The following IL12RB2 variants were observed in gnomAD, a reference collection of about 807,000 sequenced individuals.
IL12RB2 encodes the protein interleukin 12 receptor subunit beta 2.
A neutral mutation model predicts 89.4 loss-of-function variants in IL12RB2; 82 were observed. The observed-to-expected ratio is 0.92, with a 90% CI of 0.77 to 1.10. IL12RB2 has a LOEUF of 1.10. IL12RB2 is among the 50% of genes least tolerant of loss of function. The pLI, the probability that IL12RB2 is intolerant of heterozygous loss-of-function variation, is 0.00. For missense variants in IL12RB2, 963 were observed against 1,031.9 expected, an observed-to-expected ratio of 0.93 and a Z score of 0.92; for synonymous variants, 368 against 370.1, an observed-to-expected ratio of 0.99 and a Z score of 0.07.
chr1:67,334,094 G>C (rs1452767160), intron 8 of IL12RB2, among the ~76,000 whole-genome samples: 3 of 152,142 alleles, frequency 2.0e-5, no homozygotes, highest in Non-Finnish European at 4.4e-5. Context: ...TCCCTAAAGG[G>C]GGAGAAAATG....
intron 7 of IL12RB2, 95 bp downstream of exon 7, chr1:67,329,824 A>T (rs1657823977): frequency 1.1e-6 from 1 of 893,630 alleles, no homozygotes; most frequent in African/African-American, 1.6e-5. Context: ...ATAGAGTTTA[A>T]GAATATTTAT....
chr1:67,361,345 T>G (rs901934717), intron 10 of IL12RB2, among the ~76,000 whole-genome samples: 2 of 152,162 alleles, frequency 1.3e-5, no homozygotes, highest in Non-Finnish European at 2.9e-5. Flanking sequence ...GCAGGGATGT[T>G]GGAATTATCA....
chr1:67,331,838 C>CATAAATAA (rs72150017), intron 8 of IL12RB2, among the ~76,000 whole-genome samples: 46 of 151,594 alleles, frequency 3.0e-4, no homozygotes, highest in African/African-American at 1.1e-3. Flanking sequence ...GACTGCATCT[C>CATAAATAA]ATAAATAAAT....
At chr1:67,349,500 T>G (rs1195899700) in intron 9 of IL12RB2, among the ~76,000 whole-genome samples, 1 of 152,208 alleles carries the variant, frequency 6.6e-6, no homozygotes, top group Non-Finnish European at 1.5e-5. Context: ...AAAAAGCACT[T>G]GCTTATTCTA....
At chr1:67,380,236 T>G (rs2101067947) in intron 14 of IL12RB2, 113 bp downstream of exon 14, 1 of 1,115,188 alleles carries the variant, frequency 9.0e-7, no homozygotes, top group South Asian at 1.3e-5. Flanking sequence ...CTAAAAACTT[T>G]CTTGCTGTCA....
chr1:67,327,289 G>C (rs1056629574), intron 5 of IL12RB2, among the ~76,000 whole-genome samples: 11 of 152,268 alleles, frequency 7.2e-5, no homozygotes, highest in Middle Eastern at 3.4e-3. Context: ...GAAAGGAGAA[G>C]CAATAGATAC....
At chr1:67,319,447 C>A (rs533301227) in intron 2 of IL12RB2, among the ~76,000 whole-genome samples, 1 of 152,130 alleles carries the variant, frequency 6.6e-6, no homozygotes, top group Non-Finnish European at 1.5e-5. Flanking sequence ...CTACAAAACC[C>A]AAACAACCCT....
chr1:67,322,432 C>A (rs1186804242), intron 4 of IL12RB2, among the ~76,000 whole-genome samples: 2 of 53,932 alleles, frequency 3.7e-5, no homozygotes, highest in East Asian at 7.3e-4. Flanking sequence ...GAAACTGACT[C>A]CAGCAAAAAA....
At chr1:67,320,045 T>G (rs940218825) in intron 2 of IL12RB2, among the ~76,000 whole-genome samples, 2 of 152,154 alleles carry the variant, frequency 1.3e-5, no homozygotes, top group African/African-American at 4.8e-5. Context: ...CTGATGTTTA[T>G]TACCTACCCA....
intron 11 of IL12RB2, among the ~76,000 whole-genome samples, chr1:67,371,869 G>A (rs1244556683): frequency 6.6e-6 from 1 of 152,196 alleles, no homozygotes; most frequent in East Asian, 1.9e-4. Flanking sequence ...GAGCACCCTG[G>A]TTAGTTATGC....
chr1:67,334,340 T>C (rs1417894629), intron 8 of IL12RB2, among the ~76,000 whole-genome samples: 2 of 152,248 alleles, frequency 1.3e-5, no homozygotes, highest in Admixed American at 1.3e-4. Context: ...CTGTCGCAAC[T>C]GCTAAATGTG....
At chr1:67,325,307 G>C (rs1048419964) in intron 4 of IL12RB2, among the ~76,000 whole-genome samples, 2 of 152,158 alleles carry the variant, frequency 1.3e-5, no homozygotes, top group East Asian at 3.8e-4. Context: ...CTGTCACCCA[G>C]GCTGGAGTGC....
At chr1:67,335,807 C>T (rs1053934191) in intron 8 of IL12RB2, among the ~76,000 whole-genome samples, 1 of 152,172 alleles carries the variant, frequency 6.6e-6, no homozygotes, top group Non-Finnish European at 1.5e-5. Context: ...TGAAATGTTA[C>T]ACTTTTTAGA....
At chr1:67,338,189 C>T (rs1349372183) in intron 8 of IL12RB2, among the ~76,000 whole-genome samples, 1 of 151,350 alleles carries the variant, frequency 6.6e-6, no homozygotes, top group Non-Finnish European at 1.5e-5. Flanking sequence ...ATTAGCCAGG[C>T]GTGGTGGTAC....
chr1:67,322,801 T>C (rs979248002), intron 4 of IL12RB2, among the ~76,000 whole-genome samples: 5 of 152,128 alleles, frequency 3.3e-5, no homozygotes, highest in African/African-American at 1.2e-4. Flanking sequence ...AGTGTCAGAG[T>C]TGACATCTGC....
chr1:67,382,714 T>C (rs1467066398), intron 14 of IL12RB2, among the ~76,000 whole-genome samples: 1 of 151,294 alleles, frequency 6.6e-6, no homozygotes, highest in Non-Finnish European at 1.5e-5. Context: ...CTACATTTTT[T>C]TTTTTTTTTG....
chr1:67,346,378 ATTTTTTTTTTTTT>A (rs10577525), intron 9 of IL12RB2, among the ~76,000 whole-genome samples: 4 of 93,892 alleles, frequency 4.3e-5, no homozygotes, highest in South Asian at 3.4e-4. Context: ...AGGGTTGTCT[ATTTTTTTTTTTTT>A]TTTTTTTTTT....
chr1:67,391,946 G>A (rs7523453), intron 16 of IL12RB2, among the ~76,000 whole-genome samples: 71,060 of 151,984 alleles, frequency 0.47, 18,779 homozygotes, highest in Non-Finnish European at 0.58. Context: ...CCCGGCATGA[G>A]GTTGTATGAT....
At chr1:67,330,914 G>C (rs1292720681) in intron 8 of IL12RB2, 104 bp downstream of exon 8, 2 of 771,308 alleles carry the variant, frequency 2.6e-6, no homozygotes, top group Admixed American at 3.5e-5. Flanking sequence ...TACTGGTGCT[G>C]AATCAAAAAG....
Sources: allele counts gnomAD v4.1 joint callset (sites outside exome capture counted in the v4.1 genomes callset), GRCh38; gene constraint gnomAD v4.1.1; transcripts MANE v1.5; gene names NCBI Gene and HGNC (gene_info 2026-07-23, HGNC 2026-07-21).